MGAT4C: variants seen among roughly 807,000 people sequenced by gnomAD.
The protein encoded by MGAT4C is MGAT4 family member C.
In MGAT4C, 19 loss-of-function variants were observed where a neutral mutation model predicts 40.1. The ratio of observed to expected loss-of-function variants is 0.47; its 90% CI spans 0.33 to 0.70. The LOEUF is 0.70. MGAT4C is among the 30% of genes least tolerant of loss of function. The pLI is 0.02. For synonymous variants in MGAT4C, 181 were observed against 187.1 expected, an observed-to-expected ratio of 0.97 and a Z score of 0.27; for missense variants, 491 against 563.2, an observed-to-expected ratio of 0.87 and a Z score of 1.30.
In MGAT4C at chr12:85,960,913, C is replaced by A. The variant is rs1883081830; in HGVS notation, c.*18376G>T. ...TTGGCACTTTATTTTATAAAACTAC[C>A]CTTTACTTAAAATAAATCATTGTAT... On this transcript the variant is annotated 3_prime_UTR_variant, in exon 5 of 5. Transcript: ENST00000611864. 6.6e-6 allele frequency: 1 copy of A among 151,928 alleles called. No homozygotes were observed. Among genetic ancestry groups the A allele is most frequent in the African/African-American group, 2.4e-5 (1 of 41,514 alleles). 9.4% of individuals were successfully genotyped at this position (151,928 alleles called of 1,614,324 possible). A position where few individuals can be genotyped will look rare whatever the true frequency, so the allele number is the denominator to read the frequency against.
At chr12:86,788,296 A>G (rs1951967415) in intron 1 of MGAT4C, among the ~76,000 whole-genome samples, 1 of 149,940 alleles carries the variant, frequency 6.7e-6, no homozygotes, top group African/African-American at 2.4e-5. Flanking sequence ...ATTCATTATT[A>G]GGTTTTTTTT....
chr12:86,021,890 A>T (rs1433883411), intron 2 of MGAT4C, among the ~76,000 whole-genome samples: 1 of 152,214 alleles, frequency 6.6e-6, no homozygotes, highest in African/African-American at 2.4e-5. Flanking sequence ...TTCATACAGT[A>T]ATAGATCAGG....
chr12:86,517,969 G>T (rs993181537), intron 2 of MGAT4C, among the ~76,000 whole-genome samples: 1 of 152,002 alleles, frequency 6.6e-6, no homozygotes, highest in Non-Finnish European at 1.5e-5. Flanking sequence ...TTTTTATGGT[G>T]GTGAGACAGT....
intron 2 of MGAT4C, among the ~76,000 whole-genome samples, chr12:86,665,374 A>G (rs183725528): frequency 2.6e-5 from 4 of 151,912 alleles, no homozygotes; most frequent in African/African-American, 9.6e-5. Context: ...AAAGTTATAC[A>G]ACTTTTTTTC....
chr12:86,594,242 T>C (rs921451841), intron 2 of MGAT4C, among the ~76,000 whole-genome samples: 1 of 152,152 alleles, frequency 6.6e-6, no homozygotes, highest in Admixed American at 6.6e-5. Flanking sequence ...CTTCTCTGAC[T>C]GGGAACTTGA....
chr12:86,792,973 A>T (rs1203884758), intron 1 of MGAT4C, among the ~76,000 whole-genome samples: 1 of 152,092 alleles, frequency 6.6e-6, no homozygotes, highest in Non-Finnish European at 1.5e-5. Context: ...TTTTGGCTAA[A>T]ATTTAATTAC....
chr12:86,806,319 C>T (rs1952352458), intron 1 of MGAT4C, among the ~76,000 whole-genome samples: 1 of 151,796 alleles, frequency 6.6e-6, no homozygotes, highest in African/African-American at 2.4e-5. Context: ...TACACTTTAT[C>T]CAGTTTCTCA....
At chr12:86,064,972 A>G (rs1424263054) in intron 1 of MGAT4C, among the ~76,000 whole-genome samples, 1 of 152,216 alleles carries the variant, frequency 6.6e-6, no homozygotes, top group Non-Finnish European at 1.5e-5. Context: ...AGAAATGGAT[A>G]AATTCCTGGA....
intron 3 of MGAT4C, among the ~76,000 whole-genome samples, chr12:86,425,621 C>T (rs1054078160): frequency 2.6e-5 from 4 of 152,088 alleles, no homozygotes; most frequent in African/African-American, 9.7e-5. Context: ...TGTATTTGAC[C>T]ACTTGCATCC....
At chr12:86,512,706 T>C (rs1468582185) in intron 2 of MGAT4C, among the ~76,000 whole-genome samples, 6 of 152,122 alleles carry the variant, frequency 3.9e-5, no homozygotes, top group Non-Finnish European at 8.8e-5. Flanking sequence ...TGATCCCATT[T>C]ATATGAGGTA....
intron 1 of MGAT4C, among the ~76,000 whole-genome samples, chr12:86,226,786 T>G (rs533034462): frequency 4.6e-4 from 70 of 152,070 alleles, no homozygotes; most frequent in African/African-American, 1.7e-3. Context: ...TTCAGCGTTG[T>G]CAAAAGTTTT....
At chr12:86,179,367 G>C (rs1386767424) in intron 1 of MGAT4C, among the ~76,000 whole-genome samples, 1 of 152,162 alleles carries the variant, frequency 6.6e-6, no homozygotes, top group Non-Finnish European at 1.5e-5. Context: ...AACTAATACA[G>C]TAAGTTGGTA....
At chr12:86,204,073 C>T (rs1373852559) in intron 1 of MGAT4C, among the ~76,000 whole-genome samples, 2 of 150,386 alleles carry the variant, frequency 1.3e-5, no homozygotes, top group African/African-American at 4.9e-5. Context: ...CTTCAAAGAG[C>T]CAACAGATGG....
intron 2 of MGAT4C, among the ~76,000 whole-genome samples, chr12:86,628,857 G>A (rs896784481): frequency 2.0e-4 from 30 of 152,098 alleles, no homozygotes; most frequent in Non-Finnish European, 2.2e-4. Context: ...AAAATAACCA[G>A]CTAACATCAT....
chr12:86,815,930 T>C (rs976388818), intron 1 of MGAT4C, among the ~76,000 whole-genome samples: 23 of 151,800 alleles, frequency 1.5e-4, no homozygotes, highest in Non-Finnish European at 3.2e-4. Flanking sequence ...CAGCAAAATA[T>C]CACAAATCAC....
At chr12:86,424,649 A>G (rs1013858364) in intron 3 of MGAT4C, among the ~76,000 whole-genome samples, 2 of 152,192 alleles carry the variant, frequency 1.3e-5, no homozygotes, top group Admixed American at 1.3e-4. Context: ...TCTGCATTAT[A>G]AATACTTATA....
chr12:86,822,230 C>A (rs943556006), intron 1 of MGAT4C, among the ~76,000 whole-genome samples: 1 of 150,934 alleles, frequency 6.6e-6, no homozygotes, highest in Non-Finnish European at 1.5e-5. Context: ...AGGAAGGAAT[C>A]AAAGTTTATC....
intron 2 of MGAT4C, among the ~76,000 whole-genome samples, chr12:86,553,614 CT>C (rs1398594523): frequency 6.6e-6 from 1 of 152,074 alleles, no homozygotes; most frequent in Non-Finnish European, 1.5e-5. Flanking sequence ...TTTGTTTTAC[CT>C]GAAAACATGC....
chr12:86,331,364 G>A (rs1439238260), intron 4 of MGAT4C, among the ~76,000 whole-genome samples: 2 of 152,100 alleles, frequency 1.3e-5, no homozygotes, highest in African/African-American at 4.8e-5. Flanking sequence ...TACAACTGTG[G>A]CATTTTTCCC....
Sources: allele counts gnomAD v4.1 joint callset (sites outside exome capture counted in the v4.1 genomes callset), GRCh38; gene constraint gnomAD v4.1.1; transcripts MANE v1.5; gene names NCBI Gene and HGNC (gene_info 2026-07-23, HGNC 2026-07-21).